ZC3HAV1L: variants seen among roughly 807,000 people sequenced by gnomAD.
ZC3HAV1L encodes the protein ZC3HAV1 like.
Under a neutral mutation model 28.2 loss-of-function variants are expected in ZC3HAV1L, and 23 were observed. That is an observed-to-expected ratio of 0.82 (90% confidence interval 0.59 to 1.16). The LOEUF is 1.16. ZC3HAV1L is among the 50% of genes most tolerant of loss of function. ZC3HAV1L has a pLI of 0.00. For missense variants in ZC3HAV1L, 376 were observed against 387.7 expected, an observed-to-expected ratio of 0.97 and a Z score of 0.25; for synonymous variants, 180 against 163.4, an observed-to-expected ratio of 1.10 and a Z score of -0.78.
intron 2 of ZC3HAV1L, among the ~76,000 whole-genome samples, chr7:139,032,622 CA>C (rs1042502202): frequency 1.7e-5 from 2 of 118,038 alleles, no homozygotes; most frequent in Non-Finnish European, 1.8e-5. Flanking sequence ...GACTCCATCT[CA>C]AAAAAAAAGA....
At chr7:139,026,937 A>G (rs1248690089) in intron 3 of ZC3HAV1L, 104 bp from the exon 4 acceptor site, 7 of 1,300,788 alleles carry the variant, frequency 5.4e-6, no homozygotes, top group African/African-American at 1.5e-5. Context: ...CTCCCAACAC[A>G]TGGATTTGGA....
chr7:139,028,554 C>T (rs1359776944), intron 3 of ZC3HAV1L, 148 bp downstream of exon 3: 2 of 1,102,470 alleles, frequency 1.8e-6, no homozygotes, highest in African/African-American at 1.6e-5. Flanking sequence ...GTTGCCTGTT[C>T]TAAACTTTCC....
intron 2 of ZC3HAV1L, among the ~76,000 whole-genome samples, chr7:139,033,186 A>G (rs1815587487): frequency 7.0e-6 from 1 of 142,020 alleles, no homozygotes; most frequent in Admixed American, 6.9e-5. Context: ...GTGAGAGAGT[A>G]AGACCCTGTC....
intron 1 of ZC3HAV1L, chr7:139,035,420 T>C (rs1815675543): frequency 1.0e-6 from 1 of 985,180 alleles, no homozygotes; most frequent in African/African-American, 1.7e-5. Flanking sequence ...GCAGCAACTT[T>C]TCTGGCGTGG....
chr7:139,023,182 G>GGAAAAAAA (rs1815280485), downstream of ZC3HAV1L, among the ~76,000 whole-genome samples: 1 of 103,122 alleles, frequency 9.7e-6, no homozygotes. Flanking sequence ...AAGGAAAAAA[G>GGAAAAAAA]AAAAAAAAAA....
At chr7:139,034,799 C>T in intron 1 of ZC3HAV1L, 121 bp from the exon 2 acceptor site, 1 of 1,458,168 alleles carries the variant, frequency 6.9e-7, no homozygotes, top group Non-Finnish European at 9.1e-7. Context: ...TTTCATGAAA[C>T]CGGGGATAGT....
At chr7:139,029,755 T>C (rs1194401405) in intron 2 of ZC3HAV1L, among the ~76,000 whole-genome samples, 1 of 152,164 alleles carries the variant, frequency 6.6e-6, no homozygotes, top group Non-Finnish European at 1.5e-5. Context: ...TACCTGGGTC[T>C]CTATCTCAGG....
At chr7:139,032,074 G>A (rs1258751497) in intron 2 of ZC3HAV1L, among the ~76,000 whole-genome samples, 1 of 152,014 alleles carries the variant, frequency 6.6e-6, no homozygotes. Context: ...CTCCAGCCTG[G>A]GTGACACAGC....
At chr7:139,022,448 AG>A, downstream of ZC3HAV1L, 1 of 409,046 alleles carries the variant, frequency 2.4e-6, no homozygotes. Context: ...AGGGAAGCTG[AG>A]GCAAGAGGAT....
At chr7:139,032,606 G>C (rs1358502971) in intron 2 of ZC3HAV1L, among the ~76,000 whole-genome samples, 1 of 149,722 alleles carries the variant, frequency 6.7e-6, no homozygotes, top group African/African-American at 2.5e-5. Context: ...CTGGGTGATA[G>C]AGTGAGACTC....
In ZC3HAV1L at chr7:139,035,822, CG is replaced by C; in HGVS notation, c.195del (p.Glu66ArgfsTer75). 6.7e-7 allele frequency: 1 copy of C among 1,484,036 alleles called. No individual in the cohort carries two copies. The highest frequency in any genetic ancestry group is 2.3e-4 in the Middle Eastern group (1 of 4,366). The allele number at this position is 1,484,036 out of a possible 1,614,324, so 91.9% of individuals were successfully genotyped here. On this transcript the variant is annotated frameshift_variant, in exon 1 of 5. Coordinates refer to ENST00000275766, the MANE Select transcript of ZC3HAV1L (RefSeq NM_080660.4). LOFTEE classifies it high-confidence loss of function. The stretch of plus-strand genomic sequence containing the variant: ...CCGCCCACCGCGCCGGCCGCCGCCT[CG>C]GCCTCCGCGTCCCCGAGGCCCTCCT... ...ETQEGLGDAEAEAAAGAVGGG... is the reference protein window; with the variant it reads ...ETQEGLGDAEXEAAAGAVGGG...
chr7:139,023,182 G>GAAAA (rs565321825), downstream of ZC3HAV1L, among the ~76,000 whole-genome samples: 4,625 of 103,080 alleles, frequency 0.045, 179 homozygotes, highest in Middle Eastern at 0.073. Context: ...AAGGAAAAAA[G>GAAAA]AAAAAAAAAA....
rs767893638 is a variant in ZC3HAV1L, at chr7:139,028,695, T to C, written c.760+7A>G. ...GATACTTCTCTGTCCTTCTTGGATA[T>C]TCCTACCTGTATTTTCAAGCATCTT... On this transcript the variant is annotated splice_region_variant and intron_variant, in intron 3 of 4. Transcript: ENST00000275766. 3 of 1,612,444 alleles carry C rather than the reference T, an allele frequency of 1.9e-6. No homozygotes were observed. The highest frequency in any genetic ancestry group is 4.5e-5 in the East Asian group (2 of 44,842).
chr7:139,035,676 GC>G lies in ZC3HAV1L; in HGVS notation c.341del (p.Gly114AlafsTer27). The G allele has an allele frequency of 2.7e-6, 4 of 1,473,906 alleles. No individual in the cohort carries two copies. Among genetic ancestry groups the G allele is most frequent in the Non-Finnish European group, 3.6e-6 (4 of 1,121,982 alleles). The allele number at this position is 1,473,906 out of a possible 1,614,324, so 91.3% of individuals were successfully genotyped here. ...ACCAGCAGTCCCGGTTGGGGCACTTGCCCAGCATGTGCCGGCGGCAGAAGTG... is the reference window on the plus strand; with the variant it reads ...ACCAGCAGTCCCGGTTGGGGCACTTGCCAGCATGTGCCGGCGGCAGAAGTG... The part of the protein sequence containing the change: ...QLHFCRRHML[G>X]KCPNRDCWST... On this transcript the variant is annotated frameshift_variant, in exon 1 of 5. Coordinates refer to ENST00000275766, the MANE Select transcript of ZC3HAV1L (RefSeq NM_080660.4). LOFTEE classifies it high-confidence loss of function.
chr7:139,028,369 T>A (rs1815416758), intron 3 of ZC3HAV1L, among the ~76,000 whole-genome samples: 1 of 47,004 alleles, frequency 2.1e-5, no homozygotes, highest in African/African-American at 8.5e-5. Context: ...TGAGACTCTG[T>A]CTCAAAAAAA....
intron 3 of ZC3HAV1L, 101 bp from the exon 4 acceptor site, chr7:139,026,934 C>T: frequency 7.5e-7 from 1 of 1,330,698 alleles, no homozygotes; most frequent in Non-Finnish European, 1.0e-6. Context: ...AGACTCCCAA[C>T]ACATGGATTT....
chr7:139,034,079 C>G (rs567627414), intron 2 of ZC3HAV1L: 3 of 985,478 alleles, frequency 3.0e-6, no homozygotes, highest in Non-Finnish European at 2.4e-6. Flanking sequence ...CCTCTGCCAC[C>G]TGCACCAAAG....
chr7:139,027,620 T>A (rs1815393409), intron 3 of ZC3HAV1L, among the ~76,000 whole-genome samples: 1 of 152,214 alleles, frequency 6.6e-6, no homozygotes, highest in Admixed American at 6.5e-5. Flanking sequence ...GAGGCTGCAG[T>A]GAGTCATGAC....
chr7:139,033,566 A>G (rs1815599652), intron 2 of ZC3HAV1L, among the ~76,000 whole-genome samples: 1 of 152,122 alleles, frequency 6.6e-6, no homozygotes, highest in Non-Finnish European at 1.5e-5. Context: ...GGTGATGGGG[A>G]CAAGTGGAGG....
Sources: allele counts gnomAD v4.1 joint callset (sites outside exome capture counted in the v4.1 genomes callset), GRCh38; gene constraint gnomAD v4.1.1; transcripts MANE v1.5; gene names NCBI Gene and HGNC (gene_info 2026-07-23, HGNC 2026-07-21).